CDC42BPA: variants seen among roughly 807,000 people sequenced by gnomAD.
The protein encoded by CDC42BPA is CDC42 binding protein kinase alpha.
In CDC42BPA, 80 loss-of-function variants were observed where a neutral mutation model predicts 223.5. The observed-to-expected ratio is 0.36, with a 90% CI of 0.30 to 0.43. The LOEUF (loss-of-function observed/expected upper bound fraction) is 0.43. CDC42BPA is among the 20% of genes least tolerant of loss of function. CDC42BPA has a pLI of 1.00. For missense variants in CDC42BPA, 1,743 were observed against 2,099.9 expected, an observed-to-expected ratio of 0.83 and a Z score of 3.32; for synonymous variants, 694 against 718.6, an observed-to-expected ratio of 0.97 and a Z score of 0.55.
At position 227,026,066 on chromosome 1, in the gene CDC42BPA, G is replaced by A; in HGVS notation, c.4519C>T (p.Pro1507Ser). 2 of 1,578,250 alleles carry A rather than the reference G, an allele frequency of 1.3e-6. No homozygotes were observed. The highest frequency in any genetic ancestry group is 1.7e-6 in the Non-Finnish European group (2 of 1,151,968). The change falls in exon 31 of 37, where the codon CCT (proline) becomes TCT (serine). Residue 1507 changes from proline to serine, a missense_variant. By Grantham distance (74) the Pro-to-Ser change is moderately conservative. Transcript: ENST00000366766. ...VNSMEWIQTL[P>S]LKKVRPLNNE... is the part of the protein sequence containing the mutation. ...TAATGTTAAATTACCTTTTTGAGAG[G>A]AAGAGTCTGAATCCATTCCATGGAG...
intron 17 of CDC42BPA, among the ~76,000 whole-genome samples, chr1:227,077,235 T>C (rs1218645793): frequency 6.6e-6 from 1 of 152,204 alleles, no homozygotes; most frequent in Non-Finnish European, 1.5e-5. Flanking sequence ...AAATTACTTC[T>C]CTTTGTTATC....
chr1:227,230,129 G>T (rs1572503967), intron 2 of CDC42BPA, among the ~76,000 whole-genome samples: 2 of 152,168 alleles, frequency 1.3e-5, no homozygotes. Context: ...CTGCCTATGA[G>T]ATTTCTAGCT....
chr1:227,202,260 G>A (rs1671914045), intron 3 of CDC42BPA, among the ~76,000 whole-genome samples: 2 of 152,164 alleles, frequency 1.3e-5, no homozygotes, highest in African/African-American at 2.4e-5. Flanking sequence ...GGGATTACAG[G>A]CGTGAGCCAC....
In CDC42BPA at chr1:227,303,064, C is replaced by T. The variant is rs1443310952; in HGVS notation, c.178+13941G>A. 4.8e-5 allele frequency among the ~76,000 whole-genome samples: 7 copies of T among 145,278 alleles called. No individual in the cohort carries two copies. The Admixed American group carries it at 4.9e-4, about 10-fold the overall frequency. On this transcript the variant is annotated intron_variant, in intron 1 of 36. Coordinates refer to ENST00000366766, the MANE Select transcript of CDC42BPA (RefSeq NM_001394014.1). ...TGAAAAGTATGTTTCATGTGGGTTG[C>T]TTTCTTTGTTTGGGACTGTACCCTA...
At chr1:227,015,983 T>C in intron 34 of CDC42BPA, 97 bp downstream of exon 34, 2 of 692,568 alleles carry the variant, frequency 2.9e-6, no homozygotes, top group Non-Finnish European at 5.2e-6. Flanking sequence ...CTCATTACTT[T>C]CACATATCCT....
At chr1:227,106,569 CAGTT>C (rs1175904608) in intron 14 of CDC42BPA, among the ~76,000 whole-genome samples, 1 of 152,096 alleles carries the variant, frequency 6.6e-6, no homozygotes, top group Non-Finnish European at 1.5e-5. Context: ...TTCACAGAAT[CAGTT>C]AGGAAGTGTT....
intron 1 of CDC42BPA, among the ~76,000 whole-genome samples, chr1:227,303,067 T>C (rs1465581455): frequency 6.6e-6 from 1 of 152,080 alleles, no homozygotes; most frequent in Non-Finnish European, 1.5e-5. Flanking sequence ...TGGGTTGCTT[T>C]CTTTGTTTGG....
intron 6 of CDC42BPA, among the ~76,000 whole-genome samples, chr1:227,155,091 C>T (rs1232991028): frequency 6.6e-6 from 1 of 152,030 alleles, no homozygotes; most frequent in East Asian, 1.9e-4. Flanking sequence ...TTGGGAAAAG[C>T]TCGTAGATTT....
intron 6 of CDC42BPA, among the ~76,000 whole-genome samples, chr1:227,157,478 T>C (rs192391360): frequency 2.5e-4 from 38 of 152,218 alleles, no homozygotes; most frequent in African/African-American, 8.9e-4. Flanking sequence ...TTCTCCTCTG[T>C]ACGTAATATG....
intron 1 of CDC42BPA, among the ~76,000 whole-genome samples, chr1:227,263,603 A>T (rs1283725253): frequency 6.8e-6 from 1 of 148,046 alleles, no homozygotes. Context: ...TTTTTTTTGA[A>T]ACGGAGTCTC....
At chr1:227,144,105 T>C (rs1453336549) in intron 8 of CDC42BPA, among the ~76,000 whole-genome samples, 3 of 152,232 alleles carry the variant, frequency 2.0e-5, no homozygotes, top group African/African-American at 4.8e-5. Flanking sequence ...GCTTATTGTA[T>C]TGAAATAGTA....
chr1:227,132,483 ACAT>A (rs370404586), intron 10 of CDC42BPA, among the ~76,000 whole-genome samples: 1 of 127,638 alleles, frequency 7.8e-6, no homozygotes, highest in East Asian at 2.2e-4. Context: ...GCTCGCTACA[ACAT>A]CTACCTCCCA....
chr1:227,263,087 G>A (rs1030056613), intron 1 of CDC42BPA, among the ~76,000 whole-genome samples: 2 of 152,142 alleles, frequency 1.3e-5, no homozygotes, highest in Non-Finnish European at 2.9e-5. Flanking sequence ...ACAAAAATTA[G>A]CCAGGCATGG....
intron 7 of CDC42BPA, 54 bp from the exon 8 acceptor site, chr1:227,145,791 A>G: frequency 7.1e-7 from 1 of 1,412,342 alleles, no homozygotes; most frequent in Non-Finnish European, 9.6e-7. Flanking sequence ...CATACTAAGT[A>G]GTTGGTTGAC....
chr1:227,259,554 C>T lies in CDC42BPA; in HGVS notation c.179-5399G>A, dbSNP rs576231237. Among the ~76,000 whole-genome samples, 15 of 151,116 alleles carry T rather than the reference C, an allele frequency of 9.9e-5. No individual in the cohort carries two copies. In the East Asian group the frequency reaches 2.5e-3, roughly 25 times the overall value. ...ACAAGCCTGAATCTTACACTAAATA[C>T]TTGGTTTTTAGCTCACAACTAGACA... On this transcript the variant is annotated intron_variant, in intron 1 of 36. Coordinates refer to ENST00000366766, the MANE Select transcript of CDC42BPA (RefSeq NM_001394014.1).
chr1:227,292,656 T>C (rs1312890350), intron 1 of CDC42BPA, among the ~76,000 whole-genome samples: 2 of 152,232 alleles, frequency 1.3e-5, no homozygotes, highest in Non-Finnish European at 2.9e-5. Flanking sequence ...ATTCTAACTT[T>C]GTTAAAACTT....
chr1:227,086,126 G>A (rs188652549), intron 16 of CDC42BPA, among the ~76,000 whole-genome samples: 2 of 152,186 alleles, frequency 1.3e-5, no homozygotes, highest in Admixed American at 6.5e-5. Context: ...TTAGATTATT[G>A]AAGTTGAACC....
chr1:227,197,781 G>C (rs1190381336), intron 4 of CDC42BPA, among the ~76,000 whole-genome samples: 1 of 152,124 alleles, frequency 6.6e-6, no homozygotes, highest in Non-Finnish European at 1.5e-5. Flanking sequence ...AAAACATTTT[G>C]AAAATTATCA....
At chr1:227,299,881 G>C (rs1395732447) in intron 1 of CDC42BPA, among the ~76,000 whole-genome samples, 2 of 152,154 alleles carry the variant, frequency 1.3e-5, no homozygotes, top group African/African-American at 4.8e-5. Context: ...ATATGCATCT[G>C]AATGTAAAGA....
Sources: allele counts gnomAD v4.1 joint callset (sites outside exome capture counted in the v4.1 genomes callset), GRCh38; gene constraint gnomAD v4.1.1; transcripts MANE v1.5; gene names NCBI Gene and HGNC (gene_info 2026-07-23, HGNC 2026-07-21).